RPL28: variants seen among roughly 807,000 people sequenced by gnomAD.
The protein encoded by RPL28 is ribosomal protein L28.
Under a neutral mutation model 12.5 loss-of-function variants are expected in RPL28, and 4 were observed. The ratio of observed to expected loss-of-function variants is 0.32; its 90% CI spans 0.16 to 0.73. RPL28 has a LOEUF of 0.73. Ranked by LOEUF, RPL28 falls within the 30% of genes least tolerant of loss-of-function variation. The pLI, the probability that RPL28 is intolerant of heterozygous loss-of-function variation, is 0.66. For synonymous variants in RPL28, 91 were observed against 72.5 expected (o/e 1.26, Z -1.30); for missense variants, 214 against 197.7 (o/e 1.08, Z -0.49).
chr19:55,389,460 C>A lies in RPL28; in HGVS notation c.*1128C>A. 2.0e-6 allele frequency: 2 copies of A among 985,454 alleles called. No individual in the cohort carries two copies. Among genetic ancestry groups the A allele is most frequent in the Non-Finnish European group, 2.4e-6 (2 of 829,946 alleles). 61.0% of individuals were successfully genotyped at this position (985,454 alleles called of 1,614,324 possible). A position where few individuals can be genotyped will look rare whatever the true frequency, so the allele number is the denominator to read the frequency against. On this transcript the variant is annotated 3_prime_UTR_variant, in exon 5 of 5. Coordinates refer to ENST00000344063, the MANE Select transcript of RPL28 (RefSeq NM_000991.5). ...GGGACCAAGGATCCAGCATCCATGGCACCCCTGGTTCCTGCCATCCTGGGG... is the reference window on the plus strand; with the variant it reads ...GGGACCAAGGATCCAGCATCCATGGAACCCCTGGTTCCTGCCATCCTGGGG...
rs776129835 is a variant in RPL28, at chr19:55,391,516, C to T, written c.*3184C>T. 7 of 1,473,280 alleles carry T rather than the reference C, an allele frequency of 4.8e-6. 1 individual carries two copies. The South Asian group carries it at 9.5e-5, about 20-fold the overall frequency. 91.3% of individuals were successfully genotyped at this position (1,473,280 alleles called of 1,614,324 possible). A position where few individuals can be genotyped will look rare whatever the true frequency, so the allele number is the denominator to read the frequency against. On this transcript the variant is annotated 3_prime_UTR_variant, in exon 5 of 5. Transcript: ENST00000344063. ...GCTGGGGACTCCAGACTCCCCACAG[C>T]AGCAGAGACTCGGGACTGAGGCATC...
exon 5 of RPL28, chr19:55,403,203 T>C (rs1304889160): frequency 4.6e-6 from 3 of 648,352 alleles, no homozygotes; most frequent in Non-Finnish European, 5.6e-6. Context: ...TGAGAAACAC[T>C]GGTTTATGAA....
At chr19:55,387,811 G>A (rs2089947445) in intron 3 of RPL28, 119 bp from the exon 4 acceptor site, 1 of 1,469,830 alleles carries the variant, frequency 6.8e-7, no homozygotes. Context: ...GCCTGCCCAG[G>A]CACCCGCCAC....
chr19:55,392,377 T>C (rs2089996991), downstream of RPL28, among the ~76,000 whole-genome samples: 1 of 151,918 alleles, frequency 6.6e-6, no homozygotes, highest in Admixed American at 6.6e-5. Flanking sequence ...GACTAAGGTG[T>C]GCAGCACCAC....
chr19:55,386,384 C>G lies in RPL28; in HGVS notation c.27C>G (p.Val9=). MSAHLQWM[V]VRNCSSFLIK... is the part of the protein sequence containing the mutation. ...TGTCTGCGCATCTGCAATGGATGGT[C>G]GTGCGGAACTGCTCCAGTTTCCTGA... Residue 9 remains valine (V), a synonymous_variant, in exon 2 of 5, where the codon GTC becomes GTG. Transcript: ENST00000344063. 6.2e-7 allele frequency: 1 copy of G among 1,614,084 alleles called. No individual in the cohort carries two copies. Among genetic ancestry groups the G allele is most frequent in the Non-Finnish European group, 8.5e-7 (1 of 1,180,014 alleles).
intron 4 of RPL28, chr19:55,400,598 C>A (rs541011136): frequency 6.6e-6 from 1 of 152,246 alleles, no homozygotes; most frequent in Admixed American, 6.5e-5. Context: ...GGAGCTAAGA[C>A]CCTAGTTCTA....
rs2089977750 is a variant in RPL28, at chr19:55,390,233, C to CCA, written c.*1901_*1902insCA. On this transcript the variant is annotated 3_prime_UTR_variant, in exon 5 of 5. Coordinates refer to ENST00000344063, the MANE Select transcript of RPL28 (RefSeq NM_000991.5). The stretch of plus-strand genomic sequence containing the variant: ...TGGAGACTTTCTGGAGATGGAGTCT[C>CCA]GCTCTGTTGCCCAGGCTGGCGAGTG... 1.0e-6 allele frequency: 1 copy of CCA among 982,688 alleles called. No individual in the cohort carries two copies. Among genetic ancestry groups the CCA allele is most frequent in the Non-Finnish European group, 1.2e-6 (1 of 827,586 alleles). 60.9% of individuals were successfully genotyped at this position (982,688 alleles called of 1,614,324 possible). A position where few individuals can be genotyped will look rare whatever the true frequency, so the allele number is the denominator to read the frequency against.
intron 1 of RPL28, 122 bp from the exon 2 acceptor site, chr19:55,386,228 G>A: frequency 1.2e-6 from 1 of 864,584 alleles, no homozygotes; most frequent in Non-Finnish European, 1.8e-6. Context: ...CTGCCCTCAG[G>A]GGTCTCCCAT....
rs45477992 is a variant in RPL28, at chr19:55,390,167, A to G, written c.*1835A>G. 0.038 allele frequency: 37,838 copies of G among 985,308 alleles called. 830 individuals are homozygous for G. Among genetic ancestry groups the G allele is most frequent in the African/African-American group, 0.081 (4,656 of 57,306 alleles). 61.0% of individuals were successfully genotyped at this position (985,308 alleles called of 1,614,324 possible). Reference sequence around the variant, plus strand: ...ATGAGATGCTTGATGAATGGTGCATATTGAATGTATAAAGCCCACCGGTCC... The same window carrying G: ...ATGAGATGCTTGATGAATGGTGCATGTTGAATGTATAAAGCCCACCGGTCC... On this transcript the variant is annotated 3_prime_UTR_variant, in exon 5 of 5. Coordinates refer to ENST00000344063, the MANE Select transcript of RPL28 (RefSeq NM_000991.5).
intron 4 of RPL28, among the ~76,000 whole-genome samples, chr19:55,397,601 C>T (rs1289198325): frequency 1.3e-5 from 2 of 152,004 alleles, no homozygotes; most frequent in African/African-American, 2.4e-5. Context: ...AGGATAGTCT[C>T]GATCTCCTGA....
downstream of RPL28, among the ~76,000 whole-genome samples, chr19:55,395,504 C>T (rs564311497): frequency 9.3e-4 from 138 of 147,708 alleles, no homozygotes; most frequent in Middle Eastern, 0.011. Context: ...AGTGCAGTGG[C>T]GCCATCTCGG....
chr19:55,388,069 C>G, intron 4 of RPL28, 21 bp downstream of exon 4: 1 of 1,613,428 alleles, frequency 6.2e-7, no homozygotes, highest in Non-Finnish European at 8.5e-7. Flanking sequence ...GTTTGGGGAT[C>G]AGGCTTGGGG....
Position 55,390,330 on chromosome 19 carries a change from G to C in RPL28, c.*1998G>C. The C allele has an allele frequency of 1.4e-6, 1 of 706,492 alleles. No homozygotes were observed. The highest frequency in any genetic ancestry group is 1.7e-6 in the Non-Finnish European group (1 of 575,842). 43.8% of individuals were successfully genotyped at this position (706,492 alleles called of 1,614,324 possible). A position where few individuals can be genotyped will look rare whatever the true frequency, so the allele number is the denominator to read the frequency against. ...AGCGATTCTCCTGCCTCAGCCTCCC[G>C]AGTAGCTGGGATTACAGGTGGGTGT... On this transcript the variant is annotated 3_prime_UTR_variant, in exon 5 of 5. Transcript: ENST00000344063.
At position 55,389,628 on chromosome 19, in the gene RPL28, G is replaced by A. The variant is rs1013723510; in HGVS notation, c.*1296G>A. The stretch of plus-strand genomic sequence containing the variant: ...GCCCTGCGTTTTGAGGCAGACCACT[G>A]CCCTTCCGACCTCAGTCCTGTCTGC... On this transcript the variant is annotated 3_prime_UTR_variant, in exon 5 of 5. Transcript: ENST00000344063. 4 of 985,444 alleles carry A rather than the reference G, an allele frequency of 4.1e-6. No homozygotes were observed. The highest frequency in any genetic ancestry group is 4.8e-6 in the Non-Finnish European group (4 of 830,014). 61.0% of individuals were successfully genotyped at this position (985,444 alleles called of 1,614,324 possible). A position where few individuals can be genotyped will look rare whatever the true frequency, so the allele number is the denominator to read the frequency against.
intron 3 of RPL28, 84 bp downstream of exon 3, chr19:55,386,777 C>T (rs778109989): frequency 5.0e-6 from 8 of 1,611,662 alleles, no homozygotes; most frequent in South Asian, 3.3e-5. Flanking sequence ...GCAGGAAGAG[C>T]GGTAACTGCC....
chr19:55,386,431 A>G lies in RPL28; in HGVS notation c.74A>G (p.Tyr25Cys), dbSNP rs1329313119. 4.3e-6 allele frequency: 7 copies of G among 1,613,964 alleles called. No individual in the cohort carries two copies. Among genetic ancestry groups the G allele is most frequent in the South Asian group, 2.2e-5 (2 of 91,088 alleles). Residue 25 changes from tyrosine to cysteine, a missense_variant, in exon 2 of 5, where the codon TAC becomes TGC. Coordinates refer to ENST00000344063, the MANE Select transcript of RPL28 (RefSeq NM_000991.5). ...CTGATCAAGAGGAATAAGCAGACCT[A>G]CAGCACTGTAAGTGGGGCCCGGATG... ...SFLIKRNKQT[Y>C]STEPNNLKAR... is the part of the protein sequence containing the mutation.
At chr19:55,401,795 G>A (rs545165832) in intron 4 of RPL28, 30 of 1,611,176 alleles carry the variant, frequency 1.9e-5, no homozygotes, top group East Asian at 4.5e-5. Context: ...ACAGTGGGTC[G>A]GGCAACCTAC....
At chr19:55,395,433 T>G (rs1319756650), downstream of RPL28, among the ~76,000 whole-genome samples, 1 of 146,018 alleles carries the variant, frequency 6.8e-6, no homozygotes, top group African/African-American at 2.6e-5. Context: ...GTGCCTGGCC[T>G]TCTTTTTCTC....
At chr19:55,392,937 G>T (rs2090000520), downstream of RPL28, among the ~76,000 whole-genome samples, 2 of 151,994 alleles carry the variant, frequency 1.3e-5, no homozygotes, top group African/African-American at 4.8e-5. Flanking sequence ...GCACACACAG[G>T]CTGCGGGCCC....
Sources: gnomAD v4.1 joint callset for allele counts (sites outside exome capture counted in the v4.1 genomes callset) on GRCh38, gnomAD v4.1.1 for gene constraint, MANE v1.5 for transcripts, NCBI Gene and HGNC (gene_info 2026-07-23, HGNC 2026-07-21) for gene names.